The following PEX5L variants were observed in gnomAD, a reference collection of about 807,000 sequenced individuals.
PEX5L encodes the protein peroxisomal biogenesis factor 5 like.
PEX5L carries 30 observed loss-of-function variants against 84.0 expected under a neutral mutation model. That is an observed-to-expected ratio of 0.36 (90% confidence interval 0.27 to 0.48). The LOEUF (loss-of-function observed/expected upper bound fraction) is 0.48. PEX5L is among the 20% of genes least tolerant of loss of function. PEX5L has a pLI of 0.99. For missense variants in PEX5L, 533 were observed against 754.6 expected (o/e 0.71, Z 3.44); for synonymous variants, 270 against 283.1 (o/e 0.95, Z 0.46).
chr3:179,912,450 G>A (rs535042780), intron 2 of PEX5L, among the ~76,000 whole-genome samples: 2 of 152,034 alleles, frequency 1.3e-5, no homozygotes, highest in Non-Finnish European at 2.9e-5. Flanking sequence ...ACTAATTCTA[G>A]GTAGATGTTA....
At chr3:180,019,154 A>G (rs1790209339) in intron 1 of PEX5L, among the ~76,000 whole-genome samples, 1 of 152,164 alleles carries the variant, frequency 6.6e-6, no homozygotes, top group Non-Finnish European at 1.5e-5. Flanking sequence ...GGCTGTGTTT[A>G]GGGCCATGGA....
intron 1 of PEX5L, among the ~76,000 whole-genome samples, chr3:180,026,234 C>T (rs898114844): frequency 2.0e-5 from 3 of 147,834 alleles, no homozygotes; most frequent in Admixed American, 1.4e-4. Flanking sequence ...TGTGAAATGA[C>T]CAAGTTGTGC....
At chr3:179,846,830 A>T (rs4855117) in intron 8 of PEX5L, among the ~76,000 whole-genome samples, 45,281 of 151,944 alleles carry the variant, frequency 0.3, 7,285 homozygotes, top group Non-Finnish European at 0.36. Flanking sequence ...AGACTGAGCT[A>T]ACACCAAAGG....
intron 3 of PEX5L, chr3:179,895,957 G>A (rs1275550594): frequency 2.0e-5 from 3 of 152,120 alleles, no homozygotes; most frequent in Non-Finnish European, 4.4e-5. Context: ...GCAGTATGTG[G>A]CACTATGTTA....
At chr3:179,892,042 G>T (rs1757783172) in intron 3 of PEX5L, among the ~76,000 whole-genome samples, 1 of 151,980 alleles carries the variant, frequency 6.6e-6, no homozygotes, top group Admixed American at 6.6e-5. Flanking sequence ...GGAGTATATT[G>T]ATGTTATACA....
chr3:180,008,058 TAGTC>T (rs138399058), intron 1 of PEX5L, among the ~76,000 whole-genome samples: 19,227 of 152,186 alleles, frequency 0.13, 1,332 homozygotes, highest in African/African-American at 0.19. Flanking sequence ...TTCTATCACA[TAGTC>T]AGGCAGCAAA....
chr3:179,829,770 ATCT>A (rs1396844021), intron 8 of PEX5L, among the ~76,000 whole-genome samples: 3 of 124,832 alleles, frequency 2.4e-5, no homozygotes, highest in Non-Finnish European at 5.0e-5. Flanking sequence ...AACTTGCTAT[ATCT>A]TTTTTTTTTT....
chr3:179,831,672 C>CT (rs1733005956), intron 8 of PEX5L, among the ~76,000 whole-genome samples: 1 of 152,000 alleles, frequency 6.6e-6, no homozygotes, highest in African/African-American at 2.4e-5. Flanking sequence ...GAGAACCCAA[C>CT]CTAGACTTAG....
At chr3:179,974,088 A>G in intron 1 of PEX5L, 1 of 985,652 alleles carries the variant, frequency 1.0e-6, no homozygotes, top group Non-Finnish European at 1.2e-6. Context: ...CAGCCAGCCC[A>G]GGCAGGGATC....
intron 1 of PEX5L, among the ~76,000 whole-genome samples, chr3:180,032,417 C>G (rs1791542146): frequency 6.6e-6 from 1 of 152,166 alleles, no homozygotes; most frequent in South Asian, 2.1e-4. Context: ...AATGCCACCC[C>G]CGTTCCAACT....
chr3:179,895,084 G>C (rs969174634), intron 3 of PEX5L, among the ~76,000 whole-genome samples: 1 of 151,876 alleles, frequency 6.6e-6, no homozygotes, highest in Non-Finnish European at 1.5e-5. Flanking sequence ...TATGATGAGG[G>C]CCTCATGATT....
At chr3:179,888,277 G>T in intron 3 of PEX5L, 1 of 602,618 alleles carries the variant, frequency 1.7e-6, no homozygotes, top group Non-Finnish European at 2.7e-6. Context: ...CTCTTAAAAA[G>T]CTCAGGTCAC....
intron 2 of PEX5L, chr3:179,921,435 T>C (rs756613379): frequency 6.6e-6 from 1 of 152,226 alleles, no homozygotes; most frequent in Non-Finnish European, 1.5e-5. Flanking sequence ...ATCTTTCTGA[T>C]GCTGGCAACT....
At chr3:179,858,543 TTAA>T (rs370069982) in intron 8 of PEX5L, among the ~76,000 whole-genome samples, 101 of 152,310 alleles carry the variant, frequency 6.6e-4, no homozygotes, top group African/African-American at 1.7e-3. Context: ...TTGGACATTC[TTAA>T]TAATAAAATT....
chr3:179,818,594 C>A (rs779429597), intron 9 of PEX5L, among the ~76,000 whole-genome samples: 2 of 152,024 alleles, frequency 1.3e-5, no homozygotes, highest in Non-Finnish European at 2.9e-5. Context: ...CCCTACCCCC[C>A]TCCCCTGCCC....
intron 1 of PEX5L, among the ~76,000 whole-genome samples, chr3:180,028,012 A>G (rs1007867041): frequency 6.6e-6 from 1 of 152,080 alleles, no homozygotes; most frequent in Admixed American, 6.6e-5. Context: ...CCATCTGTCC[A>G]TTATTGGTGA....
chr3:179,898,047 C>T, intron 3 of PEX5L, 95 bp downstream of exon 3: 1 of 699,540 alleles, frequency 1.4e-6, no homozygotes, highest in South Asian at 3.1e-5. Flanking sequence ...AAAATTGGTT[C>T]AAGAGTTAAA....
intron 8 of PEX5L, among the ~76,000 whole-genome samples, chr3:179,858,494 A>G (rs777023483): frequency 9.9e-5 from 15 of 152,076 alleles, no homozygotes; most frequent in South Asian, 2.1e-4. Context: ...ACAGAAATCA[A>G]TGTTCCAATC....
At chr3:179,809,433 G>C in intron 12 of PEX5L, 38 bp downstream of exon 12, 1 of 1,454,356 alleles carries the variant, frequency 6.9e-7, no homozygotes, top group Non-Finnish European at 9.7e-7. Context: ...TGTATATATG[G>C]GTGTTTACTG....
Sources: gnomAD v4.1 joint callset for allele counts (sites outside exome capture counted in the v4.1 genomes callset) on GRCh38, gnomAD v4.1.1 for gene constraint, MANE v1.5 for transcripts, NCBI Gene and HGNC (gene_info 2026-07-23, HGNC 2026-07-21) for gene names.